The following DLG1 variants were observed in gnomAD, a reference collection of about 807,000 sequenced individuals.
The protein encoded by DLG1 is disks large homolog 1.
Under a neutral mutation model 123.4 loss-of-function variants are expected in DLG1, and 42 were observed. The observed-to-expected ratio is 0.34, with a 90% CI of 0.27 to 0.44. DLG1 has a LOEUF of 0.44. Among genes scored for constraint, DLG1 ranks in the 20% least tolerant of loss-of-function variants. The probability of loss-of-function intolerance (pLI) is 1.00; values close to 1 mark genes in which losing one functional copy is unlikely to be tolerated. For missense variants in DLG1, 942 were observed against 1,082.6 expected, an observed-to-expected ratio of 0.87 and a Z score of 1.82; for synonymous variants, 317 against 356.2, an observed-to-expected ratio of 0.89 and a Z score of 1.24.
chr3:197,120,869 T>C (rs927948877), intron 11 of DLG1, among the ~76,000 whole-genome samples: 2 of 152,210 alleles, frequency 1.3e-5, no homozygotes, highest in East Asian at 3.8e-4. Context: ...AAGGACTTTC[T>C]ACCAATGGCT....
chr3:197,096,914 A>G (rs1222269588), intron 14 of DLG1, among the ~76,000 whole-genome samples: 2 of 152,194 alleles, frequency 1.3e-5, no homozygotes, highest in Admixed American at 1.3e-4. Flanking sequence ...GCTCATTTTA[A>G]TATGAAATTA....
chr3:197,079,001 A>G (rs1257457920), intron 17 of DLG1, among the ~76,000 whole-genome samples: 1 of 152,198 alleles, frequency 6.6e-6, no homozygotes, highest in Non-Finnish European at 1.5e-5. Context: ...TAGTTAAGAA[A>G]GTATTAGTTG....
chr3:197,183,699 T>C (rs185793556), intron 5 of DLG1: 1 of 1,550,592 alleles, frequency 6.4e-7, no homozygotes, highest in Admixed American at 2.0e-5. Context: ...CGAGCCCTTT[T>C]TTGCCCAGTG....
chr3:197,297,172 G>GACCTTGC lies in DLG1; in HGVS notation c.19+13_19+14insGCAAGGT. Reference sequence around the variant, plus strand: ...AAGTGACATCGACAACAGAGTTACGGAATAAACTCTCACCTTGCTTCCGGA... The same window carrying GACCTTGC: ...AAGTGACATCGACAACAGAGTTACGGACCTTGCAATAAACTCTCACCTTGCTTCCGGA... On this transcript the variant is annotated intron_variant, in intron 2 of 24. Transcript: ENST00000667157. 1 of 1,613,946 alleles carries GACCTTGC rather than the reference G, an allele frequency of 6.2e-7. No individual in the cohort carries two copies. The highest frequency in any genetic ancestry group is 8.5e-7 in the Non-Finnish European group (1 of 1,179,864).
chr3:197,181,272 G>A (rs1711647909), intron 5 of DLG1, among the ~76,000 whole-genome samples: 1 of 152,138 alleles, frequency 6.6e-6, no homozygotes, highest in Admixed American at 6.5e-5. Context: ...TCTGCAAAAA[G>A]TATCATGTGG....
chr3:197,085,501 T>G, intron 16 of DLG1, 79 bp downstream of exon 16: 1 of 1,449,312 alleles, frequency 6.9e-7, no homozygotes, highest in Non-Finnish European at 9.6e-7. Context: ...CCATCCATGT[T>G]GTCACAAATT....
chr3:197,124,919 T>C (rs1336386102), intron 11 of DLG1, among the ~76,000 whole-genome samples: 1 of 152,066 alleles, frequency 6.6e-6, no homozygotes, highest in African/African-American at 2.4e-5. Flanking sequence ...AATGATCCAG[T>C]AGACAGAGGA....
intron 24 of DLG1, among the ~76,000 whole-genome samples, chr3:197,047,527 A>G (rs1170894162): frequency 7.5e-6 from 1 of 133,592 alleles, no homozygotes; most frequent in East Asian, 1.9e-4. Flanking sequence ...AAAAATGTCC[A>G]AAGACTTGAG....
intron 10 of DLG1, among the ~76,000 whole-genome samples, chr3:197,134,106 T>C (rs745780949): frequency 4.6e-5 from 7 of 152,170 alleles, no homozygotes; most frequent in Non-Finnish European, 8.8e-5. Flanking sequence ...TTGACTGTGT[T>C]TGTGTGTGAG....
rs1394624305 is a variant in DLG1, at chr3:197,059,992, G to A, written c.2380C>T (p.His794Tyr). 6.2e-7 allele frequency: 1 copy of A among 1,610,268 alleles called. No homozygotes were observed. The highest frequency in any genetic ancestry group is 8.5e-7 in the Non-Finnish European group (1 of 1,178,116). Residue 794 changes from histidine to tyrosine, a missense_variant, in exon 23 of 25, where the codon CAC becomes TAC. Physicochemically the swap from His to Tyr is moderately conservative, Grantham distance 83. Transcript: ENST00000667157. The part of the protein sequence containing the change: ...SVREVAEKGK[H>Y]CILDVSGNAI... ...TTTCCAGACACATCAAGGATACAGT[G>A]TTTGCCCTAAAATAAAGGGAACAAA...
At chr3:197,194,735 G>T in intron 4 of DLG1, 146 bp from the exon 5 acceptor site, 1 of 472,588 alleles carries the variant, frequency 2.1e-6, no homozygotes, top group Non-Finnish European at 3.6e-6. Flanking sequence ...AGAGAAATAG[G>T]ATTTTACTTT....
In DLG1 at chr3:197,220,763, A is replaced by C. The variant is rs1370628379; in HGVS notation, c.319-26174T>G. Among the ~76,000 whole-genome samples, 5 of 152,152 alleles carry C rather than the reference A, an allele frequency of 3.3e-5. 1 individual carries two copies. Among genetic ancestry groups the C allele is most frequent in the Non-Finnish European group, 7.4e-5 (5 of 68,020 alleles). ...CTGAAGAATACTGTTTTTCCTTTGG[A>C]GAAACCATGAAGTCAATAAAAAGGG... On this transcript the variant is annotated intron_variant, in intron 4 of 24. Transcript: ENST00000667157.
At chr3:197,272,935 A>G (rs755290565) in intron 4 of DLG1, among the ~76,000 whole-genome samples, 4 of 152,156 alleles carry the variant, frequency 2.6e-5, no homozygotes, top group Non-Finnish European at 5.9e-5. Flanking sequence ...AATTCACCAA[A>G]TTTTAAAGTG....
At chr3:197,158,798 T>C (rs949025060) in intron 5 of DLG1, among the ~76,000 whole-genome samples, 2 of 152,134 alleles carry the variant, frequency 1.3e-5, no homozygotes, top group Admixed American at 6.5e-5. Context: ...GTTCTATTCA[T>C]CTTCAAAGCA....
chr3:197,094,768 G>A (rs1330209151), intron 14 of DLG1, among the ~76,000 whole-genome samples: 3 of 152,056 alleles, frequency 2.0e-5, no homozygotes, highest in Non-Finnish European at 4.4e-5. Context: ...TGATATATTT[G>A]ATTCCAGTTT....
intron 10 of DLG1, among the ~76,000 whole-genome samples, chr3:197,131,575 T>TCTTC: frequency 6.8e-6 from 1 of 147,562 alleles, no homozygotes; most frequent in African/African-American, 2.5e-5. Flanking sequence ...TAGTTTTATT[T>TCTTC]CTTCCTTTCT....
chr3:197,298,409 C>T, intron 1 of DLG1, 127 bp downstream of exon 1: 1 of 398,546 alleles, frequency 2.5e-6, no homozygotes, highest in African/African-American at 2.1e-5. Flanking sequence ...TGGAGGAGCC[C>T]GCCTTTACCT....
chr3:197,207,433 C>A (rs190398909), intron 4 of DLG1, among the ~76,000 whole-genome samples: 18 of 151,424 alleles, frequency 1.2e-4, no homozygotes, highest in Non-Finnish European at 2.5e-4. Flanking sequence ...CATCTCCTTC[C>A]TAAGTTTATC....
At chr3:197,296,538 T>C (rs1429020199) in intron 2 of DLG1, 61 bp from the exon 3 acceptor site, 8 of 1,476,598 alleles carry the variant, frequency 5.4e-6, no homozygotes, top group Non-Finnish European at 7.6e-6. Context: ...TATCACATAC[T>C]AGTGCAAATA....
Sources: gnomAD v4.1 joint callset for allele counts (sites outside exome capture counted in the v4.1 genomes callset) on GRCh38, gnomAD v4.1.1 for gene constraint, MANE v1.5 for transcripts, NCBI Gene and HGNC (gene_info 2026-07-23, HGNC 2026-07-21) for gene names.